The following CCSER1 variants were observed in gnomAD, a reference collection of about 807,000 sequenced individuals.
CCSER1 encodes the protein coiled-coil serine rich protein 1.
A neutral mutation model predicts 82.0 loss-of-function variants in CCSER1; 41 were observed. That is an observed-to-expected ratio of 0.50 (90% confidence interval 0.39 to 0.65). The LOEUF (loss-of-function observed/expected upper bound fraction) is 0.65. Among genes scored for constraint, CCSER1 ranks in the 30% least tolerant of loss-of-function variants. The pLI is 0.00. For missense variants in CCSER1, 1,119 were observed against 1,064.2 expected, an observed-to-expected ratio of 1.05 and a Z score of -0.72; for synonymous variants, 414 against 383.9, an observed-to-expected ratio of 1.08 and a Z score of -0.92.
chr4:90,538,977 C>T (rs1302750416), intron 5 of CCSER1, among the ~76,000 whole-genome samples: 4 of 151,872 alleles, frequency 2.6e-5, no homozygotes, highest in African/African-American at 9.7e-5. Flanking sequence ...AAGTTGCTGA[C>T]AAATAATTTC....
At chr4:90,850,635 C>A (rs187426817) in intron 8 of CCSER1, among the ~76,000 whole-genome samples, 39 of 152,318 alleles carry the variant, frequency 2.6e-4, no homozygotes, top group African/African-American at 8.2e-4. Context: ...TGGCCAATTT[C>A]TCTCATTTGG....
chr4:91,228,977 G>A (rs1459191682), intron 10 of CCSER1, among the ~76,000 whole-genome samples: 1 of 152,010 alleles, frequency 6.6e-6, no homozygotes, highest in African/African-American at 2.4e-5. Context: ...TGTAACATCA[G>A]TAATCTGAGC....
At chr4:91,398,716 G>A (rs1752142278) in intron 10 of CCSER1, among the ~76,000 whole-genome samples, 1 of 151,646 alleles carries the variant, frequency 6.6e-6, no homozygotes, top group African/African-American at 2.4e-5. Context: ...TCTCTAAAGA[G>A]AGGAATCAGC....
intron 10 of CCSER1, among the ~76,000 whole-genome samples, chr4:91,115,631 C>T (rs549796745): frequency 5.9e-4 from 90 of 151,982 alleles, no homozygotes; most frequent in Non-Finnish European, 1.1e-3. Flanking sequence ...CTGTTATGTA[C>T]GCCTTCCATC....
chr4:90,794,913 T>A (rs1011364102), intron 7 of CCSER1, among the ~76,000 whole-genome samples: 1 of 152,158 alleles, frequency 6.6e-6, no homozygotes, highest in Non-Finnish European at 1.5e-5. Context: ...TCTAAGTATA[T>A]TTTTGTGTGT....
chr4:91,260,278 T>C (rs1741004864), intron 10 of CCSER1, among the ~76,000 whole-genome samples: 1 of 152,168 alleles, frequency 6.6e-6, no homozygotes, highest in African/African-American at 2.4e-5. Context: ...AACACACTGT[T>C]CTTCCCATAC....
At chr4:90,614,643 C>T (rs548228558) in intron 5 of CCSER1, among the ~76,000 whole-genome samples, 1 of 152,212 alleles carries the variant, frequency 6.6e-6, no homozygotes, top group South Asian at 2.1e-4. Flanking sequence ...CCCTAACTCT[C>T]TTTGATTTTA....
chr4:91,519,196 C>T (rs1415836867), intron 10 of CCSER1, among the ~76,000 whole-genome samples: 1 of 152,168 alleles, frequency 6.6e-6, no homozygotes, highest in Admixed American at 6.5e-5. Flanking sequence ...GTATGGAGAA[C>T]AGTCCTGCCA....
intron 9 of CCSER1, among the ~76,000 whole-genome samples, chr4:90,939,326 G>A (rs1474226811): frequency 1.3e-5 from 2 of 152,110 alleles, no homozygotes; most frequent in African/African-American, 2.4e-5. Flanking sequence ...GTTGAAGATG[G>A]TTTATTGGAA....
intron 10 of CCSER1, among the ~76,000 whole-genome samples, chr4:91,208,222 A>G (rs1736506515): frequency 6.6e-6 from 1 of 151,746 alleles, no homozygotes; most frequent in African/African-American, 2.4e-5. Context: ...GCTGTGCAGA[A>G]GCGCTTTAAT....
intron 5 of CCSER1, among the ~76,000 whole-genome samples, chr4:90,485,613 G>T (rs1766911803): frequency 6.6e-6 from 1 of 151,500 alleles, no homozygotes; most frequent in South Asian, 2.1e-4. Context: ...TATGTGTCAT[G>T]GGGGTTTGTG....
At chr4:91,057,430 A>G (rs971253697) in intron 9 of CCSER1, among the ~76,000 whole-genome samples, 26 of 152,056 alleles carry the variant, frequency 1.7e-4, no homozygotes, top group African/African-American at 5.6e-4. Flanking sequence ...CTTCCCTGCT[A>G]TTTTTAAATT....
chr4:90,764,365 T>C (rs748764427), intron 7 of CCSER1, among the ~76,000 whole-genome samples: 2 of 152,202 alleles, frequency 1.3e-5, no homozygotes, highest in African/African-American at 4.8e-5. Flanking sequence ...AAGCCATTCA[T>C]CTGCTATACA....
intron 9 of CCSER1, among the ~76,000 whole-genome samples, chr4:91,041,443 G>A (rs1741948115): frequency 6.6e-6 from 1 of 152,114 alleles, no homozygotes; most frequent in African/African-American, 2.4e-5. Flanking sequence ...GGTTACATTA[G>A]AGAAAGAAAC....
Position 91,487,430 on chromosome 4 carries a change from G to A in CCSER1, c.2218-111142G>A, listed in dbSNP as rs532159578. On this transcript the variant is annotated intron_variant, in intron 10 of 10. Coordinates refer to ENST00000509176, the MANE Select transcript of CCSER1 (RefSeq NM_001145065.2). ...GTGTGGAAACAAATATGTTCAAAGAGTCATGTTACAGAATAATAGAGAAAA... is the reference window on the plus strand; with the variant it reads ...GTGTGGAAACAAATATGTTCAAAGAATCATGTTACAGAATAATAGAGAAAA... Among the ~76,000 whole-genome samples the A allele has an allele frequency of 3.9e-5, 6 of 152,074 alleles. No individual in the cohort carries two copies. In the South Asian group the frequency reaches 6.2e-4, roughly 16 times the overall value.
At chr4:90,636,977 A>T (rs1046126001) in intron 6 of CCSER1, among the ~76,000 whole-genome samples, 1 of 152,236 alleles carries the variant, frequency 6.6e-6, no homozygotes, top group African/African-American at 2.4e-5. Flanking sequence ...AGTAAATTTA[A>T]TAGCATTGAA....
intron 5 of CCSER1, among the ~76,000 whole-genome samples, chr4:90,468,941 G>A (rs865964002): frequency 2.0e-5 from 3 of 152,132 alleles, no homozygotes; most frequent in African/African-American, 7.2e-5. Context: ...GATGATAAAT[G>A]TAAGCTTATG....
At chr4:90,201,520 G>C (rs1261044622) in intron 1 of CCSER1, among the ~76,000 whole-genome samples, 1 of 149,328 alleles carries the variant, frequency 6.7e-6, no homozygotes, top group Non-Finnish European at 1.5e-5. Context: ...ATTAATAAAT[G>C]TATTAAATTT....
chr4:90,302,804 A>AAAAACAAAACAAAAC (rs568160665), intron 1 of CCSER1, among the ~76,000 whole-genome samples: 61 of 151,778 alleles, frequency 4.0e-4, no homozygotes, highest in African/African-American at 1.4e-3. Flanking sequence ...CCTTGTCTCC[A>AAAAACAAAACAAAAC]AAAACAAAAC....
Sources: gnomAD v4.1 joint callset for allele counts (sites outside exome capture counted in the v4.1 genomes callset) on GRCh38, gnomAD v4.1.1 for gene constraint, MANE v1.5 for transcripts, NCBI Gene and HGNC (gene_info 2026-07-23, HGNC 2026-07-21) for gene names.